Variants in VAPB observed in about 807,000 individuals in gnomAD.
VAPB encodes vesicle-associated membrane protein-associated protein B/C.
A neutral mutation model predicts 25.6 loss-of-function variants in VAPB; 7 were observed. That is an observed-to-expected ratio of 0.27 (90% CI 0.16 to 0.51). VAPB has a LOEUF of 0.51. Ranked by LOEUF, VAPB falls within the 20% of genes least tolerant of loss-of-function variation. The pLI, the probability that VAPB is intolerant of heterozygous loss-of-function variation, is 0.97. For missense variants in VAPB, 266 were observed against 301.3 expected (o/e 0.88, Z 0.87); for synonymous variants, 112 against 109.2 (o/e 1.03, Z -0.16).
At chr20:58,433,627 A>T (rs929498086) in intron 2 of VAPB, among the ~76,000 whole-genome samples, 1 of 152,186 alleles carries the variant, frequency 6.6e-6, no homozygotes, top group African/African-American at 2.4e-5. Flanking sequence ...CTCTGTGTTC[A>T]TTCTTTTCAT....
At chr20:58,420,983 G>A (rs1339506510) in intron 2 of VAPB, among the ~76,000 whole-genome samples, 3 of 152,202 alleles carry the variant, frequency 2.0e-5, no homozygotes, top group African/African-American at 7.2e-5. Flanking sequence ...TCCTCAGGAG[G>A]AGGAGGATAC....
chr20:58,402,229 C>A (rs1441522866), intron 1 of VAPB, among the ~76,000 whole-genome samples: 1 of 152,190 alleles, frequency 6.6e-6, no homozygotes. Context: ...CGTCTTTCCT[C>A]ATGCTTGTGT....
chr20:58,396,915 A>G (rs556929441), intron 1 of VAPB, among the ~76,000 whole-genome samples: 1 of 143,294 alleles, frequency 7.0e-6, no homozygotes, highest in Non-Finnish European at 1.5e-5. Context: ...CTGCACTAGT[A>G]AATGGTGGCA....
chr20:58,414,348 C>T (rs1354025593), intron 1 of VAPB, among the ~76,000 whole-genome samples: 6 of 147,570 alleles, frequency 4.1e-5, no homozygotes, highest in East Asian at 2.1e-4. Flanking sequence ...CCCTCCCGGA[C>T]GGGGCGGCCG....
intron 1 of VAPB, among the ~76,000 whole-genome samples, chr20:58,394,374 T>C (rs1337749642): frequency 6.6e-6 from 1 of 152,250 alleles, no homozygotes; most frequent in East Asian, 1.9e-4. Flanking sequence ...AGTGCAGTAA[T>C]TATCTTTCAG....
chr20:58,445,583 T>TG lies in VAPB; in HGVS notation c.*1354dup, dbSNP rs1312258598. On this transcript the variant is annotated 3_prime_UTR_variant, in exon 6 of 6. Transcript: ENST00000475243. ...TTGTCATTTTGTCACATTTGCTCTA[T>TG]GGGGGGAATTATTATTTTATCATTT... is the stretch of plus-strand genomic sequence containing the variant. 1 of 454,264 alleles carries TG rather than the reference T, an allele frequency of 2.2e-6. No individual in the cohort carries two copies. The highest frequency in any genetic ancestry group is 4.4e-6 in the Non-Finnish European group (1 of 226,766). 28.1% of individuals were successfully genotyped at this position (454,264 alleles called of 1,614,324 possible).
chr20:58,418,297 C>T lies in VAPB; in HGVS notation c.145C>T (p.Pro49Ser), dbSNP rs1371025436. ...GTGTTTTAAGGTGAAGACTACAGCA[C>T]CACGTAGGTACTGTGTGAGGCCCAA... ...NVCFKVKTTA[P>S]RRYCVRPNSG... The change falls in exon 2 of 6, where the codon CCA becomes TCA. Residue 49 changes from proline to serine, a missense_variant. Transcript: ENST00000475243. The T allele has an allele frequency of 6.2e-7, 1 of 1,614,098 alleles. No homozygotes were observed. Among genetic ancestry groups the T allele is most frequent in the Non-Finnish European group, 8.5e-7 (1 of 1,180,044 alleles).
intron 1 of VAPB, 62 bp downstream of exon 1, chr20:58,389,579 A>T: frequency 2.7e-6 from 4 of 1,495,902 alleles, no homozygotes; most frequent in Non-Finnish European, 3.6e-6. Context: ...GGAAGGACGG[A>T]GCCCGGCGCG....
In VAPB at chr20:58,446,910, A is replaced by T. The variant is rs1433896499; in HGVS notation, c.*2675A>T. On this transcript the variant is annotated 3_prime_UTR_variant, in exon 6 of 6. Coordinates refer to ENST00000475243, the MANE Select transcript of VAPB (RefSeq NM_004738.5). Reference sequence around the variant, plus strand: ...GTGTTTTCCCTAGAATTACATAATGAAAAAAAGAATAAGGCAAAGAGGAGG... The same window carrying T: ...GTGTTTTCCCTAGAATTACATAATGTAAAAAAGAATAAGGCAAAGAGGAGG... 1 of 453,996 alleles carries T rather than the reference A, an allele frequency of 2.2e-6. No individual in the cohort carries two copies. The highest frequency in any genetic ancestry group is 2.0e-5 in the African/African-American group (1 of 50,000). 28.1% of individuals were successfully genotyped at this position (453,996 alleles called of 1,614,324 possible). A position where few individuals can be genotyped will look rare whatever the true frequency, so the allele number is the denominator to read the frequency against.
chr20:58,430,033 C>T (rs1988892192), intron 2 of VAPB, among the ~76,000 whole-genome samples: 1 of 148,854 alleles, frequency 6.7e-6, no homozygotes, highest in African/African-American at 2.5e-5. Context: ...CATAGCAAGA[C>T]CTCATCTCTT....
At chr20:58,417,228 C>T (rs1267036545) in intron 1 of VAPB, among the ~76,000 whole-genome samples, 1 of 152,060 alleles carries the variant, frequency 6.6e-6, no homozygotes, top group South Asian at 2.1e-4. Flanking sequence ...ACATGTCCAC[C>T]ATAGATGGGT....
rs1348653319 is a variant in VAPB at position 58,450,848 on chromosome 20, A to G, written c.*6613A>G. 2.2e-6 allele frequency: 1 copy of G among 454,020 alleles called. No homozygotes were observed. The highest frequency in any genetic ancestry group is 2.0e-5 in the African/African-American group (1 of 50,008). 28.1% of individuals were successfully genotyped at this position (454,020 alleles called of 1,614,324 possible). A position where few individuals can be genotyped will look rare whatever the true frequency, so the allele number is the denominator to read the frequency against. ...TGGAAGTAATTTAAAAAGTTGGTGC[A>G]GGAAAGGACTCTTTACTGTTGCACA... On this transcript the variant is annotated 3_prime_UTR_variant, in exon 6 of 6. Coordinates refer to ENST00000475243, the MANE Select transcript of VAPB (RefSeq NM_004738.5).
intron 1 of VAPB, among the ~76,000 whole-genome samples, chr20:58,393,839 TCTC>T (rs1162912769): frequency 6.6e-6 from 1 of 152,090 alleles, no homozygotes; most frequent in East Asian, 1.9e-4. Flanking sequence ...TTCAAGCACT[TCTC>T]CTGCCTCAGC....
intron 5 of VAPB, among the ~76,000 whole-genome samples, chr20:58,441,584 G>A (rs1238954563): frequency 6.6e-6 from 1 of 152,234 alleles, no homozygotes. Flanking sequence ...GGAGGTTGCA[G>A]TGAGCTGAGA....
At chr20:58,408,914 C>T (rs1400574081) in intron 1 of VAPB, among the ~76,000 whole-genome samples, 2 of 149,068 alleles carry the variant, frequency 1.3e-5, no homozygotes, top group Non-Finnish European at 3.0e-5. Flanking sequence ...CCCCGCCCCC[C>T]ACTCCATGTG....
At position 58,440,227 on chromosome 20, in the gene VAPB, C is replaced by T. The variant is rs141507905; in HGVS notation, c.397-680C>T. 1.2e-3 allele frequency: 184 copies of T among 152,622 alleles called. 1 individual carries two copies. Among genetic ancestry groups the T allele is most frequent in the Middle Eastern group, 3.4e-3 (1 of 296 alleles). The allele number at this position is 152,622 out of a possible 1,614,324, so 9.5% of individuals were successfully genotyped here. On this transcript the variant is annotated intron_variant, in intron 4 of 5. Coordinates refer to ENST00000475243, the MANE Select transcript of VAPB (RefSeq NM_004738.5). ...CTTGCTTCACAGGGCCTACTCTTCT[C>T]ATCTGGAAAATGATGGGTAGAGCTA...
intron 5 of VAPB, among the ~76,000 whole-genome samples, chr20:58,443,130 T>A (rs911788786): frequency 5.3e-5 from 8 of 151,820 alleles, no homozygotes; most frequent in Non-Finnish European, 1.0e-4. Flanking sequence ...GAAGAAAAAA[T>A]TTTTCATTTC....
intron 1 of VAPB, among the ~76,000 whole-genome samples, chr20:58,405,607 C>T (rs1402349248): frequency 6.6e-6 from 1 of 151,314 alleles, no homozygotes; most frequent in Non-Finnish European, 1.5e-5. Flanking sequence ...GGATTATGCC[C>T]AGCTAATTTT....
chr20:58,435,236 A>G (rs1989016284), intron 3 of VAPB, among the ~76,000 whole-genome samples: 1 of 152,184 alleles, frequency 6.6e-6, no homozygotes, highest in Admixed American at 6.5e-5. Flanking sequence ...GATAAAATTA[A>G]GATGACTTCA....
Sources: gnomAD v4.1 joint callset for allele counts (sites outside exome capture counted in the v4.1 genomes callset) on GRCh38, gnomAD v4.1.1 for gene constraint, MANE v1.5 for transcripts, NCBI Gene and HGNC (gene_info 2026-07-23, HGNC 2026-07-21) for gene names.